Variants in FOXP1 observed in about 807,000 individuals in gnomAD.
FOXP1 encodes forkhead box protein P1.
In FOXP1, 15 loss-of-function variants were observed where a neutral mutation model predicts 98.2. That is an observed-to-expected ratio of 0.15 (90% CI 0.10 to 0.24). FOXP1 has a LOEUF of 0.24. Among genes scored for constraint, FOXP1 ranks in the 10% least tolerant of loss-of-function variants. The probability of loss-of-function intolerance (pLI) is 1.00; values close to 1 mark genes in which losing one functional copy is unlikely to be tolerated. For synonymous variants in FOXP1, 371 were observed against 314.5 expected (o/e 1.18, Z -1.90); for missense variants, 633 against 848.5 (o/e 0.75, Z 3.15).
At chr3:71,287,214 T>C (rs2072243930) in intron 5 of FOXP1, among the ~76,000 whole-genome samples, 1 of 152,146 alleles carries the variant, frequency 6.6e-6, no homozygotes, top group African/African-American at 2.4e-5. Flanking sequence ...ATTACAGGTG[T>C]GAACTTCGGA....
Position 71,520,489 on chromosome 3 carries a change from G to A in FOXP1, c.-297-26934C>T, listed in dbSNP as rs551817867. ...TGGCGGCTCATTAGAAATAGTCCCC[G>A]TCTGTCACTAAGGTTAGATTTGAGG... On this transcript the variant is annotated intron_variant, in intron 2 of 20. Coordinates refer to ENST00000649528, the MANE Select transcript of FOXP1 (RefSeq NM_001349338.3). 4.6e-5 allele frequency among the ~76,000 whole-genome samples: 7 copies of A among 152,266 alleles called. No homozygotes were observed. In the South Asian group the frequency reaches 8.3e-4, roughly 18 times the overall value.
At chr3:71,204,677 A>G (rs1485112244) in intron 5 of FOXP1, among the ~76,000 whole-genome samples, 3 of 152,210 alleles carry the variant, frequency 2.0e-5, no homozygotes, top group Non-Finnish European at 4.4e-5. Context: ...GTGGTTAAGG[A>G]AGCAGACAGA....
At chr3:71,180,945 G>C (rs905874965) in intron 6 of FOXP1, among the ~76,000 whole-genome samples, 9 of 152,176 alleles carry the variant, frequency 5.9e-5, no homozygotes. Context: ...TATTGATTAG[G>C]ATATGTGTTT....
chr3:71,341,988 A>T (rs1047406027), intron 4 of FOXP1, among the ~76,000 whole-genome samples: 2 of 152,218 alleles, frequency 1.3e-5, no homozygotes, highest in Non-Finnish European at 2.9e-5. Context: ...GTTAGCCAAA[A>T]ATACAGCTTT....
chr3:71,534,666 A>C (rs2044145976), intron 2 of FOXP1, among the ~76,000 whole-genome samples: 1 of 152,234 alleles, frequency 6.6e-6, no homozygotes, highest in African/African-American at 2.4e-5. Flanking sequence ...GGACAGAGCC[A>C]GAGTGGGGTT....
chr3:71,005,002 G>T (rs2042584136), intron 12 of FOXP1, among the ~76,000 whole-genome samples: 1 of 152,062 alleles, frequency 6.6e-6, no homozygotes, highest in Non-Finnish European at 1.5e-5. Context: ...ATCAGGAACG[G>T]TTATGAACGT....
At chr3:71,185,576 T>A (rs1416956069) in intron 6 of FOXP1, among the ~76,000 whole-genome samples, 2 of 152,198 alleles carry the variant, frequency 1.3e-5, no homozygotes, top group Admixed American at 6.5e-5. Flanking sequence ...ACAATCAACT[T>A]TGCACCTGGG....
At chr3:71,012,990 T>A (rs1295488698) in intron 12 of FOXP1, among the ~76,000 whole-genome samples, 1 of 152,224 alleles carries the variant, frequency 6.6e-6, no homozygotes, top group Non-Finnish European at 1.5e-5. Flanking sequence ...AGTGATATTA[T>A]GAATATATTT....
chr3:70,986,416 G>C (rs879587433), intron 14 of FOXP1, among the ~76,000 whole-genome samples: 3 of 152,174 alleles, frequency 2.0e-5, no homozygotes, highest in African/African-American at 4.8e-5. Flanking sequence ...TTTTTAATCC[G>C]TGGAGGAAGA....
At chr3:71,013,284 G>A (rs150023210) in intron 12 of FOXP1, among the ~76,000 whole-genome samples, 10 of 152,212 alleles carry the variant, frequency 6.6e-5, no homozygotes, top group East Asian at 1.9e-4. Flanking sequence ...AGCTTTCCTC[G>A]CCATCTGCTT....
intron 4 of FOXP1, among the ~76,000 whole-genome samples, chr3:71,340,853 T>A (rs925416251): frequency 1.3e-5 from 2 of 152,210 alleles, no homozygotes; most frequent in Non-Finnish European, 2.9e-5. Context: ...AGAGAGTGTT[T>A]TAATTCTTAA....
Position 70,977,993 on chromosome 3 carries a change from C to A in FOXP1, c.1183G>T (p.Ala395Ser), listed in dbSNP as rs376351360. Residue 395 changes from alanine (A) to serine (S), a missense_variant, in exon 15 of 21, where the codon GCA (alanine) becomes TCA (serine). Physicochemically the swap from Ala to Ser is moderately conservative, Grantham distance 99. Transcript: ENST00000649528. ...AAGCTCTGTGGAGAAGCCTCCGATGCGGACTTGGAGAGAGTGACACTTGAT... is the reference window on the plus strand; with the variant it reads ...AAGCTCTGTGGAGAAGCCTCCGATGAGGACTTGGAGAGAGTGACACTTGAT... Reference protein sequence around the residue: ...LVSSVTLSKSASEASPQSLPH... With the variant: ...LVSSVTLSKSSSEASPQSLPH... 21 of 1,613,874 alleles carry A rather than the reference C, an allele frequency of 1.3e-5. No homozygotes were observed. The highest frequency in any genetic ancestry group is 1.7e-5 in the Admixed American group (1 of 59,994).
intron 5 of FOXP1, among the ~76,000 whole-genome samples, chr3:71,270,880 T>C (rs1014623300): frequency 3.2e-5 from 4 of 125,462 alleles, no homozygotes; most frequent in Admixed American, 3.1e-4. Context: ...AGGCAAGTTA[T>C]ATTCTCCCTC....
intron 6 of FOXP1, among the ~76,000 whole-genome samples, chr3:71,175,429 G>A (rs1259479639): frequency 2.6e-5 from 4 of 152,208 alleles, no homozygotes; most frequent in African/African-American, 9.6e-5. Context: ...CCAAAACTGG[G>A]AGATTTTCAA....
chr3:71,302,394 A>G (rs1055152786), intron 4 of FOXP1, among the ~76,000 whole-genome samples: 8 of 151,896 alleles, frequency 5.3e-5, no homozygotes, highest in African/African-American at 1.9e-4. Flanking sequence ...TTCCAATACT[A>G]TATTTGCTAT....
intron 5 of FOXP1, among the ~76,000 whole-genome samples, chr3:71,271,178 C>T (rs111273062): frequency 1.3e-5 from 2 of 152,044 alleles, no homozygotes; most frequent in Non-Finnish European, 2.9e-5. Flanking sequence ...TGCACTGAGC[C>T]CAGATAATGC....
At chr3:71,191,645 A>G (rs2062984769) in intron 6 of FOXP1, among the ~76,000 whole-genome samples, 1 of 152,242 alleles carries the variant, frequency 6.6e-6, no homozygotes, top group Non-Finnish European at 1.5e-5. Context: ...TTTGACAACA[A>G]TATTTTGATG....
chr3:71,267,124 A>AGAGAGAGTGTGTGT (rs142661368), intron 5 of FOXP1, among the ~76,000 whole-genome samples: 372 of 148,408 alleles, frequency 2.5e-3, no homozygotes, highest in Middle Eastern at 0.021. Context: ...TATGGGAGAG[A>AGAGAGAGTGTGTGT]GTGTGTGTGT....
chr3:71,260,438 A>G (rs2069021127), intron 5 of FOXP1, among the ~76,000 whole-genome samples: 1 of 152,124 alleles, frequency 6.6e-6, no homozygotes, highest in Non-Finnish European at 1.5e-5. Context: ...AGTGCTTTAC[A>G]CTTTACGATG....
Sources: gnomAD v4.1 joint callset for allele counts (sites outside exome capture counted in the v4.1 genomes callset) on GRCh38, gnomAD v4.1.1 for gene constraint, MANE v1.5 for transcripts, NCBI Gene and HGNC (gene_info 2026-07-23, HGNC 2026-07-21) for gene names.